The following PTPN2 variants were observed in gnomAD, a reference collection of about 807,000 sequenced individuals.
PTPN2 encodes tyrosine-protein phosphatase non-receptor type 2.
PTPN2 carries 19 observed loss-of-function variants against 57.3 expected under a neutral mutation model. The observed-to-expected ratio is 0.33, with a 90% CI of 0.23 to 0.49. PTPN2 has a LOEUF of 0.49. Among genes scored for constraint, PTPN2 ranks in the 20% least tolerant of loss-of-function variants. PTPN2 has a pLI of 0.99. For synonymous variants in PTPN2, 153 were observed against 164.9 expected, an observed-to-expected ratio of 0.93 and a Z score of 0.55; for missense variants, 358 against 501.1, an observed-to-expected ratio of 0.71 and a Z score of 2.73.
chr18:12,869,836 G>T (rs748063545), intron 1 of PTPN2, among the ~76,000 whole-genome samples: 45 of 152,096 alleles, frequency 3.0e-4, no homozygotes, highest in Non-Finnish European at 5.6e-4. Context: ...ATGATGAAAA[G>T]TGTTCCCTTT....
At chr18:12,846,987 A>G (rs921008654) in intron 2 of PTPN2, among the ~76,000 whole-genome samples, 1 of 151,942 alleles carries the variant, frequency 6.6e-6, no homozygotes, top group Non-Finnish European at 1.5e-5. Flanking sequence ...AAACTTAATG[A>G]TATCTTTAAT....
chr18:12,819,213 CTTT>C, intron 5 of PTPN2: 1 of 1,389,218 alleles, frequency 7.2e-7, no homozygotes, highest in Non-Finnish European at 9.6e-7. Context: ...AAAGTACATA[CTTT>C]TAGTGACCTT....
At chr18:12,847,617 ATTT>A (rs201950400) in intron 2 of PTPN2, among the ~76,000 whole-genome samples, 5 of 138,898 alleles carry the variant, frequency 3.6e-5, no homozygotes, top group Non-Finnish European at 3.1e-5. Context: ...AAAATTAAAG[ATTT>A]TTTTTTTTTT....
At chr18:12,881,086 G>A (rs536436695) in intron 1 of PTPN2, among the ~76,000 whole-genome samples, 5 of 152,162 alleles carry the variant, frequency 3.3e-5, no homozygotes, top group African/African-American at 7.2e-5. Context: ...CCTGTGCTGC[G>A]TGCCTACACT....
At chr18:12,838,941 GAAAT>G (rs1157703118) in intron 2 of PTPN2, among the ~76,000 whole-genome samples, 2 of 149,554 alleles carry the variant, frequency 1.3e-5, no homozygotes, top group African/African-American at 2.5e-5. Context: ...GCAAAAAGGA[GAAAT>G]AAAACTTTAA....
At chr18:12,813,903 CAA>C (rs1462218934) in intron 7 of PTPN2, among the ~76,000 whole-genome samples, 20 of 152,292 alleles carry the variant, frequency 1.3e-4, no homozygotes, top group Admixed American at 1.1e-3. Flanking sequence ...AAAAGTATCT[CAA>C]GTTTCCAGTT....
At chr18:12,876,295 A>AG (rs2044486042) in intron 1 of PTPN2, among the ~76,000 whole-genome samples, 22 of 143,576 alleles carry the variant, frequency 1.5e-4, no homozygotes, top group Non-Finnish European at 2.4e-4. Context: ...AACAACAACA[A>AG]AAAGAAGAAG....
intron 1 of PTPN2, among the ~76,000 whole-genome samples, chr18:12,874,566 C>G (rs1333011835): frequency 7.9e-6 from 1 of 126,602 alleles, no homozygotes; most frequent in Non-Finnish European, 1.7e-5. Flanking sequence ...CGGCCAGCCG[C>G]CCCGTCCGGG....
intron 1 of PTPN2, among the ~76,000 whole-genome samples, chr18:12,882,659 TG>T (rs2044700884): frequency 6.6e-6 from 1 of 152,250 alleles, no homozygotes; most frequent in African/African-American, 2.4e-5. Context: ...TGTCTATAAT[TG>T]GAAGAGTCCT....
chr18:12,844,737 A>G (rs572743189), intron 2 of PTPN2, among the ~76,000 whole-genome samples: 1 of 152,244 alleles, frequency 6.6e-6, no homozygotes, highest in Non-Finnish European at 1.5e-5. Flanking sequence ...TTTGAGGAGC[A>G]GAAGTTTTTT....
intron 4 of PTPN2, among the ~76,000 whole-genome samples, chr18:12,826,534 C>A (rs139567395): frequency 5.3e-5 from 8 of 152,302 alleles, no homozygotes; most frequent in African/African-American, 1.4e-4. Context: ...CCACTCCAAG[C>A]CACAGGCAAG....
chr18:12,796,543 T>C (rs2041197464), intron 8 of PTPN2, among the ~76,000 whole-genome samples: 1 of 152,172 alleles, frequency 6.6e-6, no homozygotes, highest in Non-Finnish European at 1.5e-5. Flanking sequence ...GAATGTAAAA[T>C]GGTTCAGCTG....
intron 1 of PTPN2, among the ~76,000 whole-genome samples, chr18:12,865,619 G>A (rs994606760): frequency 2.0e-5 from 3 of 151,824 alleles, no homozygotes; most frequent in African/African-American, 7.3e-5. Context: ...GACCAGCCTG[G>A]GCAACATGGT....
intron 8 of PTPN2, among the ~76,000 whole-genome samples, chr18:12,801,261 C>A (rs531770246): frequency 6.6e-6 from 1 of 152,102 alleles, no homozygotes; most frequent in African/African-American, 2.4e-5. Context: ...GCCTGTAATC[C>A]CAGCACTTTG....
chr18:12,854,073 C>T (rs514000), intron 2 of PTPN2, among the ~76,000 whole-genome samples: 108,653 of 151,982 alleles, frequency 0.71, 41,472 homozygotes, highest in Middle Eastern at 0.86. Flanking sequence ...AAATACATTA[C>T]GGAGGCTGAG....
chr18:12,870,462 T>TATATAGAG (rs1555679714), intron 1 of PTPN2, among the ~76,000 whole-genome samples: 3 of 17,712 alleles, frequency 1.7e-4, no homozygotes, highest in Admixed American at 2.5e-3. Flanking sequence ...TATATATATA[T>TATATAGAG]AGAGAGAGAG....
At chr18:12,880,355 A>G (rs1568180765) in intron 1 of PTPN2, 1 of 152,230 alleles carries the variant, frequency 6.6e-6, no homozygotes, top group Non-Finnish European at 1.5e-5. Context: ...CTGAATTTAC[A>G]CTGTGAGCAA....
At chr18:12,843,808 AT>A (rs2043128153) in intron 2 of PTPN2, 1 of 152,438 alleles carries the variant, frequency 6.6e-6, no homozygotes, top group Non-Finnish European at 1.5e-5. Context: ...CACAGACCTT[AT>A]TTTGATTTCT....
At chr18:12,855,911 T>G (rs1331771485) in intron 2 of PTPN2, among the ~76,000 whole-genome samples, 2 of 152,190 alleles carry the variant, frequency 1.3e-5, no homozygotes, top group Non-Finnish European at 2.9e-5. Flanking sequence ...TTAATCGAAA[T>G]TTCAATTCAA....
Sources: gnomAD v4.1 joint callset for allele counts (sites outside exome capture counted in the v4.1 genomes callset) on GRCh38, gnomAD v4.1.1 for gene constraint, MANE v1.5 for transcripts, NCBI Gene and HGNC (gene_info 2026-07-23, HGNC 2026-07-21) for gene names.